Variants in SNRPD1 observed in about 807,000 individuals in gnomAD.
SNRPD1 encodes the protein small nuclear ribonucleoprotein D1 polypeptide, also known as small nuclear ribonucleoprotein Sm D1.
In SNRPD1, 1 loss-of-function variant was observed where a neutral mutation model predicts 14.4. The ratio of observed to expected loss-of-function variants is 0.07; its 90% CI spans 0.02 to 0.33. SNRPD1 has a LOEUF of 0.33. Among genes scored for constraint, SNRPD1 ranks in the 10% least tolerant of loss-of-function variants. The probability of loss-of-function intolerance (pLI) is 1.00; values close to 1 mark genes in which losing one functional copy is unlikely to be tolerated. For synonymous variants in SNRPD1, 42 were observed against 50.3 expected (o/e 0.83, Z 0.70); for missense variants, 52 against 146.4 (o/e 0.36, Z 3.33).
intron 1 of SNRPD1, 59 bp from the exon 2 acceptor site, chr18:21,622,666 C>T (rs1320494778): frequency 3.0e-5 from 25 of 830,676 alleles, no homozygotes; most frequent in South Asian, 2.6e-4. Flanking sequence ...CACCCTTTCA[C>T]CTTAATAAAT....
At chr18:21,618,897 G>A (rs1281761545) in intron 1 of SNRPD1, among the ~76,000 whole-genome samples, 1 of 152,152 alleles carries the variant, frequency 6.6e-6, no homozygotes, top group Non-Finnish European at 1.5e-5. Context: ...TTACAGTCTA[G>A]GATTAGATAT....
intron 1 of SNRPD1, among the ~76,000 whole-genome samples, chr18:21,616,071 C>T (rs1441187933): frequency 1.3e-5 from 2 of 152,076 alleles, no homozygotes; most frequent in African/African-American, 2.4e-5. Flanking sequence ...CTGCAAGCTC[C>T]GCCTCCTGGG....
At position 21,622,718 on chromosome 18, in the gene SNRPD1, T is replaced by A; in HGVS notation, c.15-7T>A. On this transcript the variant is annotated splice_region_variant and splice_polypyrimidine_tract_variant and intron_variant, in intron 1 of 3. Coordinates refer to ENST00000300413, the MANE Select transcript of SNRPD1 (RefSeq NM_006938.4). ...ACAGGTAAAAATGGTTTTATTCCTATTTATAGATTTTTGATGAAATTGAGT... is the reference window on the plus strand; with the variant it reads ...ACAGGTAAAAATGGTTTTATTCCTAATTATAGATTTTTGATGAAATTGAGT... 7.3e-7 allele frequency: 1 copy of A among 1,374,816 alleles called. No individual in the cohort carries two copies. Among genetic ancestry groups the A allele is most frequent in the South Asian group, 1.2e-5 (1 of 85,580 alleles). The allele number at this position is 1,374,816 out of a possible 1,614,324, so 85.2% of individuals were successfully genotyped here. A position where few individuals can be genotyped will look rare whatever the true frequency, so the allele number is the denominator to read the frequency against.
Position 21,612,429 on chromosome 18 carries a change from G to T in SNRPD1, c.-1G>T. On this transcript the variant is annotated 5_prime_UTR_variant, in exon 1 of 4. Coordinates refer to ENST00000300413, the MANE Select transcript of SNRPD1 (RefSeq NM_006938.4). Reference sequence around the variant, plus strand: ...ACCCAGAGGGTGACGGCGCCGCTAGGATGAAGCTCGTGAGGTGAGGGAGTG... The same window carrying T: ...ACCCAGAGGGTGACGGCGCCGCTAGTATGAAGCTCGTGAGGTGAGGGAGTG... The T allele has an allele frequency of 1.3e-6, 2 of 1,559,822 alleles. No individual in the cohort carries two copies. Among genetic ancestry groups the T allele is most frequent in the Non-Finnish European group, 1.7e-6 (2 of 1,146,222 alleles).
chr18:21,625,536 A>G (rs1364314416), intron 3 of SNRPD1, among the ~76,000 whole-genome samples: 1 of 151,834 alleles, frequency 6.6e-6, no homozygotes, highest in Non-Finnish European at 1.5e-5. Context: ...GGCTGGTCTC[A>G]TACCCCTGAC....
chr18:21,619,983 CT>C (rs2038985945), intron 1 of SNRPD1, among the ~76,000 whole-genome samples: 1 of 151,830 alleles, frequency 6.6e-6, no homozygotes, highest in African/African-American at 2.4e-5. Flanking sequence ...GAGATGGAGT[CT>C]TGCTCTGTCA....
At chr18:21,615,025 A>G (rs1223088739) in intron 1 of SNRPD1, among the ~76,000 whole-genome samples, 2 of 152,154 alleles carry the variant, frequency 1.3e-5, no homozygotes, top group African/African-American at 4.8e-5. Flanking sequence ...CTATTGAAAA[A>G]TGTAAACACT....
chr18:21,615,634 G>GA (rs560394376), intron 1 of SNRPD1, among the ~76,000 whole-genome samples: 323 of 148,908 alleles, frequency 2.2e-3, no homozygotes, highest in Middle Eastern at 0.01. Context: ...AAAGAAAAAA[G>GA]AAAAAAAAAG....
intron 1 of SNRPD1, among the ~76,000 whole-genome samples, chr18:21,618,350 C>A (rs1185618319): frequency 6.6e-6 from 1 of 151,324 alleles, no homozygotes; most frequent in Admixed American, 6.6e-5. Context: ...TAAAAAAAAA[C>A]ACAAAAAAAA....
chr18:21,622,392 G>T (rs551160976), intron 1 of SNRPD1, among the ~76,000 whole-genome samples: 1 of 152,170 alleles, frequency 6.6e-6, no homozygotes, highest in East Asian at 1.9e-4. Context: ...CGCCCGCCTT[G>T]GCCTCCCAAA....
Position 21,623,866 on chromosome 18 carries a change from A to G in SNRPD1, c.210A>G (p.Leu70=), listed in dbSNP as rs141758776. The part of the protein sequence containing the change: ...IRGNNIRYFI[L]PDSLPLDTLL... Reference sequence around the variant, plus strand: ...GAAATAACATTCGGTATTTTATTCTACCAGACAGTTTACCTCTGGATACAC... The same window carrying G: ...GAAATAACATTCGGTATTTTATTCTGCCAGACAGTTTACCTCTGGATACAC... The change falls in exon 3 of 4, where the codon CTA becomes CTG. Residue 70 remains leucine (L), a synonymous_variant. Coordinates refer to ENST00000300413, the MANE Select transcript of SNRPD1 (RefSeq NM_006938.4). The G allele has an allele frequency of 6.8e-6, 11 of 1,612,860 alleles. No individual in the cohort carries two copies. In the South Asian group the frequency reaches 8.8e-5, roughly 13 times the overall value.
Position 21,629,311 on chromosome 18 carries a change from A to C in SNRPD1, c.*173A>C. 1 of 552,858 alleles carries C rather than the reference A, an allele frequency of 1.8e-6. No homozygotes were observed. Among genetic ancestry groups the C allele is most frequent in the Non-Finnish European group, 3.3e-6 (1 of 306,970 alleles). The allele number at this position is 552,858 out of a possible 1,614,324, so 34.2% of individuals were successfully genotyped here. A position where few individuals can be genotyped will look rare whatever the true frequency, so the allele number is the denominator to read the frequency against. Reference sequence around the variant, plus strand: ...GAAATTACCACAGTGAGAGCTAAGCATTTCTACTGGGCAGTTTCATTTTTA... The same window carrying C: ...GAAATTACCACAGTGAGAGCTAAGCCTTTCTACTGGGCAGTTTCATTTTTA... On this transcript the variant is annotated 3_prime_UTR_variant, in exon 4 of 4. Coordinates refer to ENST00000300413, the MANE Select transcript of SNRPD1 (RefSeq NM_006938.4).
intron 1 of SNRPD1, among the ~76,000 whole-genome samples, chr18:21,617,745 G>A (rs1018380779): frequency 2.6e-5 from 4 of 152,098 alleles, no homozygotes; most frequent in Admixed American, 2.0e-4. Context: ...GTTCATGCTT[G>A]TCATCGTAGC....
intron 1 of SNRPD1, among the ~76,000 whole-genome samples, chr18:21,620,436 T>G (rs577246258): frequency 1.5e-3 from 222 of 152,296 alleles, no homozygotes; most frequent in African/African-American, 5.3e-3. Flanking sequence ...CTTTTCATCC[T>G]CTGCAAAATT....
At position 21,612,327 on chromosome 18, in the gene SNRPD1, G is replaced by T. The variant is rs1041873793; in HGVS notation, c.-103G>T. 6.1e-6 allele frequency: 5 copies of T among 815,222 alleles called. No individual in the cohort carries two copies. Among genetic ancestry groups the T allele is most frequent in the African/African-American group, 1.8e-5 (1 of 56,630 alleles). 50.5% of individuals were successfully genotyped at this position (815,222 alleles called of 1,614,324 possible). On this transcript the variant is annotated 5_prime_UTR_variant, in exon 1 of 4. Coordinates refer to ENST00000300413, the MANE Select transcript of SNRPD1 (RefSeq NM_006938.4). Reference sequence around the variant, plus strand: ...GCTCCGCGCGCTCTTGACGTCCGGAGCCCCTGGAGTAGGCGCTTCCGGCCA... The same window carrying T: ...GCTCCGCGCGCTCTTGACGTCCGGATCCCCTGGAGTAGGCGCTTCCGGCCA...
At chr18:21,626,548 T>C (rs947383472) in intron 3 of SNRPD1, among the ~76,000 whole-genome samples, 5 of 151,904 alleles carry the variant, frequency 3.3e-5, no homozygotes, top group African/African-American at 1.2e-4. Flanking sequence ...CCCAGCACTT[T>C]CAGAGGCTGA....
At position 21,629,219 on chromosome 18, in the gene SNRPD1, A is replaced by C; in HGVS notation, c.*81A>C. 1 of 1,058,262 alleles carries C rather than the reference A, an allele frequency of 9.4e-7. No individual in the cohort carries two copies. Among genetic ancestry groups the C allele is most frequent in the Non-Finnish European group, 1.5e-6 (1 of 676,208 alleles). The allele number at this position is 1,058,262 out of a possible 1,614,324, so 65.6% of individuals were successfully genotyped here. A position where few individuals can be genotyped will look rare whatever the true frequency, so the allele number is the denominator to read the frequency against. Reference sequence around the variant, plus strand: ...TGTTTGTTTATGTCAGTTTTTAATAAACATAAATGTGGGACAGAGCTGTCT... The same window carrying C: ...TGTTTGTTTATGTCAGTTTTTAATACACATAAATGTGGGACAGAGCTGTCT... On this transcript the variant is annotated 3_prime_UTR_variant, in exon 4 of 4. Coordinates refer to ENST00000300413, the MANE Select transcript of SNRPD1 (RefSeq NM_006938.4).
intron 1 of SNRPD1, among the ~76,000 whole-genome samples, chr18:21,618,361 C>A (rs2038973075): frequency 6.6e-6 from 1 of 151,534 alleles, no homozygotes; most frequent in South Asian, 2.1e-4. Context: ...ACAAAAAAAA[C>A]CTCTGTATAT....
chr18:21,625,730 CCT>C (rs757541422), intron 3 of SNRPD1, among the ~76,000 whole-genome samples: 1 of 152,150 alleles, frequency 6.6e-6, no homozygotes, highest in African/African-American at 2.4e-5. Flanking sequence ...CCTGCCTCTG[CCT>C]CTCCAGTAGC....
Sources: gnomAD v4.1 joint callset for allele counts (sites outside exome capture counted in the v4.1 genomes callset) on GRCh38, gnomAD v4.1.1 for gene constraint, MANE v1.5 for transcripts, NCBI Gene and HGNC (gene_info 2026-07-23, HGNC 2026-07-21) for gene names.